The following CEP70 variants were observed in gnomAD, a reference collection of about 807,000 sequenced individuals.
CEP70 encodes centrosomal protein 70.
CEP70 carries 70 observed loss-of-function variants against 90.9 expected under a neutral mutation model. The ratio of observed to expected loss-of-function variants is 0.77; its 90% CI spans 0.64 to 0.94. The LOEUF is 0.94. Ranked by LOEUF, CEP70 falls within the 40% of genes least tolerant of loss-of-function variation. CEP70 has a pLI of 0.00. For missense variants in CEP70, 648 were observed against 669.0 expected, an observed-to-expected ratio of 0.97 and a Z score of 0.35; for synonymous variants, 220 against 228.3, an observed-to-expected ratio of 0.96 and a Z score of 0.33.
chr3:138,508,387 C>G, intron 12 of CEP70, 52 bp downstream of exon 12: 4 of 1,171,098 alleles, frequency 3.4e-6, no homozygotes, highest in Non-Finnish European at 5.1e-6. Flanking sequence ...AACTGATAAC[C>G]AAGATTCATG....
chr3:138,517,967 T>A (rs2036209023), intron 11 of CEP70, among the ~76,000 whole-genome samples: 1 of 152,042 alleles, frequency 6.6e-6, no homozygotes, highest in Non-Finnish European at 1.5e-5. Context: ...ACCTGGAAAA[T>A]CGGGTCACTC....
Position 138,571,023 on chromosome 3 carries a change from C to T in CEP70, c.284+11G>A, listed in dbSNP as rs768347925. The T allele has an allele frequency of 4.0e-6, 6 of 1,518,310 alleles. No homozygotes were observed. In the South Asian group the frequency reaches 6.9e-5, roughly 17 times the overall value. The allele number at this position is 1,518,310 out of a possible 1,614,324, so 94.1% of individuals were successfully genotyped here. ...CAAACAATTCAAAAGAAATCTTTTC[C>T]ATTTTCTCACCTAAGCTGTTGATTA... On this transcript the variant is annotated intron_variant, in intron 5 of 17. Transcript: ENST00000264982.
chr3:138,502,310 G>A (rs1307630449), intron 13 of CEP70, among the ~76,000 whole-genome samples: 1 of 152,022 alleles, frequency 6.6e-6, no homozygotes, highest in South Asian at 2.1e-4. Flanking sequence ...GCAGCTAGAG[G>A]CTACCATACT....
At chr3:138,554,061 C>T (rs2039816878) in intron 6 of CEP70, among the ~76,000 whole-genome samples, 2 of 151,886 alleles carry the variant, frequency 1.3e-5, no homozygotes. Flanking sequence ...AATAGCCAGG[C>T]ATGGTGGTGC....
chr3:138,537,010 A>T, intron 7 of CEP70, 168 bp downstream of exon 7: 1 of 393,832 alleles, frequency 2.5e-6, no homozygotes, highest in Non-Finnish European at 4.4e-6. Context: ...ACAAAAAAAA[A>T]AAAAAAAAAG....
intron 12 of CEP70, among the ~76,000 whole-genome samples, chr3:138,506,081 C>T (rs2034960240): frequency 6.6e-6 from 1 of 152,152 alleles, no homozygotes; most frequent in Admixed American, 6.5e-5. Flanking sequence ...TTAGGTGAAC[C>T]ATTTGAAGAA....
chr3:138,541,025 A>C (rs912631173), intron 6 of CEP70, among the ~76,000 whole-genome samples: 1 of 152,198 alleles, frequency 6.6e-6, no homozygotes, highest in East Asian at 1.9e-4. Flanking sequence ...CTCACTTATA[A>C]GTGGGAGCTA....
intron 7 of CEP70, among the ~76,000 whole-genome samples, chr3:138,533,117 T>C (rs536772822): frequency 6.6e-6 from 1 of 152,062 alleles, no homozygotes; most frequent in East Asian, 1.9e-4. Context: ...CCATCTCTAC[T>C]AAAAATACAA....
chr3:138,512,592 C>T (rs938497498), intron 11 of CEP70, among the ~76,000 whole-genome samples: 2 of 152,188 alleles, frequency 1.3e-5, no homozygotes, highest in African/African-American at 4.8e-5. Flanking sequence ...GGGTACTTCA[C>T]ATGCTTTGCA....
chr3:138,528,261 T>G (rs935773552), intron 10 of CEP70, among the ~76,000 whole-genome samples: 1 of 152,022 alleles, frequency 6.6e-6, no homozygotes, highest in African/African-American at 2.4e-5. Flanking sequence ...CCCATGCTGG[T>G]CTCGAATTCC....
chr3:138,556,447 G>A (rs1160945214), intron 6 of CEP70, among the ~76,000 whole-genome samples: 1 of 140,940 alleles, frequency 7.1e-6, no homozygotes, highest in Non-Finnish European at 1.5e-5. Flanking sequence ...AGAATTGCTT[G>A]AACCCGGGAG....
Position 138,560,217 on chromosome 3 carries a change from C to T in CEP70, c.465+10101G>A, listed in dbSNP as rs185592056. Among the ~76,000 whole-genome samples the T allele has an allele frequency of 1.1e-3, 175 of 152,198 alleles. 1 individual carries two copies. The highest frequency in any genetic ancestry group is 2.2e-3 in the African/African-American group (91 of 41,526). ...TGGGTACAGCCCACAGAGGGCAAAC[C>T]GAAGGAGGGTGGGGTGTTGCCTCAC... On this transcript the variant is annotated intron_variant, in intron 6 of 17. Transcript: ENST00000264982.
At chr3:138,544,029 C>CTGTG (rs1481749123) in intron 6 of CEP70, among the ~76,000 whole-genome samples, 4 of 152,152 alleles carry the variant, frequency 2.6e-5, no homozygotes, top group Admixed American at 2.6e-4. Flanking sequence ...AGGCTCATGC[C>CTGTG]TGTAATCTCC....
At chr3:138,521,396 T>C (rs1444737690) in intron 11 of CEP70, among the ~76,000 whole-genome samples, 2 of 140,928 alleles carry the variant, frequency 1.4e-5, no homozygotes, top group Non-Finnish European at 3.1e-5. Context: ...TCATCTGGGA[T>C]GTGAGGAGCC....
At chr3:138,510,897 G>T (rs1255944123) in intron 11 of CEP70, among the ~76,000 whole-genome samples, 2 of 116,638 alleles carry the variant, frequency 1.7e-5, no homozygotes, top group African/African-American at 6.7e-5. Flanking sequence ...GTCTCGCCCT[G>T]TTGCCCAGGC....
intron 12 of CEP70, among the ~76,000 whole-genome samples, chr3:138,505,931 C>A (rs2034950506): frequency 6.6e-6 from 1 of 152,198 alleles, no homozygotes; most frequent in Admixed American, 6.5e-5. Context: ...AGCACCTTCC[C>A]AGACACATCC....
intron 12 of CEP70, 48 bp from the exon 13 acceptor site, chr3:138,505,513 AC>A (rs756770101): frequency 7.8e-7 from 1 of 1,284,908 alleles, no homozygotes; most frequent in Non-Finnish European, 1.0e-6. Flanking sequence ...TCCTATGCCT[AC>A]AAAGTTATAT....
intron 10 of CEP70, among the ~76,000 whole-genome samples, chr3:138,528,636 C>T (rs1640654822): frequency 6.6e-6 from 1 of 151,984 alleles, no homozygotes; most frequent in African/African-American, 2.4e-5. Flanking sequence ...TGGCACTGGG[C>T]CTAGGAGTTC....
At chr3:138,536,372 T>C (rs1215012934) in intron 7 of CEP70, among the ~76,000 whole-genome samples, 1 of 152,018 alleles carries the variant, frequency 6.6e-6, no homozygotes, top group Non-Finnish European at 1.5e-5. Context: ...TGTTTACACA[T>C]TCAAAAGTAA....
Sources: gnomAD v4.1 joint callset for allele counts (sites outside exome capture counted in the v4.1 genomes callset) on GRCh38, gnomAD v4.1.1 for gene constraint, MANE v1.5 for transcripts, NCBI Gene and HGNC (gene_info 2026-07-23, HGNC 2026-07-21) for gene names.